ANKS1B: variants seen among roughly 807,000 people sequenced by gnomAD.
ANKS1B encodes the protein ankyrin repeat and sterile alpha motif domain-containing protein 1B.
A neutral mutation model predicts 148.3 loss-of-function variants in ANKS1B; 36 were observed. The ratio of observed to expected loss-of-function variants is 0.24; its 90% CI spans 0.19 to 0.32. The LOEUF is 0.32. Among genes scored for constraint, ANKS1B ranks in the 10% least tolerant of loss-of-function variants. The pLI, the probability that ANKS1B is intolerant of heterozygous loss-of-function variation, is 1.00. For missense variants in ANKS1B, 1,157 were observed against 1,542.6 expected (o/e 0.75, Z 4.19); for synonymous variants, 542 against 560.8 (o/e 0.97, Z 0.47).
chr12:99,497,446 T>C (rs2096614976), intron 10 of ANKS1B, among the ~76,000 whole-genome samples: 1 of 152,130 alleles, frequency 6.6e-6, no homozygotes, highest in East Asian at 1.9e-4. Flanking sequence ...CTTTCAAGGA[T>C]AGAAGTCCAA....
At chr12:98,945,470 G>A (rs2099843647) in intron 17 of ANKS1B, among the ~76,000 whole-genome samples, 1 of 137,622 alleles carries the variant, frequency 7.3e-6, no homozygotes, top group Non-Finnish European at 1.5e-5. Context: ...ACACCAGCCT[G>A]GGCAGCAGAG....
chr12:99,782,130 C>A, intron 4 of ANKS1B, 33 bp from the exon 5 acceptor site: 1 of 1,530,810 alleles, frequency 6.5e-7, no homozygotes. Context: ...AAAGAAAGCA[C>A]GGTTGCATTT....
At chr12:99,416,255 A>G (rs1279993554) in intron 11 of ANKS1B, among the ~76,000 whole-genome samples, 3 of 152,178 alleles carry the variant, frequency 2.0e-5, no homozygotes, top group East Asian at 3.9e-4. Context: ...CATTCACCCA[A>G]TGAAGGACAT....
intron 17 of ANKS1B, among the ~76,000 whole-genome samples, chr12:98,971,330 AC>A (rs1442237176): frequency 1.3e-5 from 2 of 152,264 alleles, no homozygotes; most frequent in Non-Finnish European, 2.9e-5. Flanking sequence ...TAAAGCAACA[AC>A]AAAAAATGTC....
At chr12:99,163,123 T>C (rs2076848128) in intron 14 of ANKS1B, among the ~76,000 whole-genome samples, 1 of 152,190 alleles carries the variant, frequency 6.6e-6, no homozygotes, top group African/African-American at 2.4e-5. Context: ...TTGTAAAAAG[T>C]TAAAATAGTT....
chr12:99,809,081 T>C (rs763915722), intron 3 of ANKS1B, among the ~76,000 whole-genome samples: 2 of 152,162 alleles, frequency 1.3e-5, no homozygotes, highest in Non-Finnish European at 2.9e-5. Context: ...TAAAATAATC[T>C]AATTTGAAAT....
intron 9 of ANKS1B, among the ~76,000 whole-genome samples, chr12:99,597,723 A>C (rs2153275712): frequency 6.6e-6 from 1 of 152,222 alleles, no homozygotes. Context: ...AATGGTTTCT[A>C]TAATAAAAAT....
At chr12:99,900,523 A>C (rs1188166507) in intron 1 of ANKS1B, among the ~76,000 whole-genome samples, 9 of 148,364 alleles carry the variant, frequency 6.1e-5, no homozygotes, top group Non-Finnish European at 8.9e-5. Context: ...AAAAAAAAAA[A>C]AAAAACTATG....
chr12:99,733,041 C>T (rs949570373), intron 8 of ANKS1B, among the ~76,000 whole-genome samples: 2 of 151,268 alleles, frequency 1.3e-5, no homozygotes, highest in East Asian at 1.9e-4. Flanking sequence ...AGAGCAAGAG[C>T]TTGTTGAGAT....
Position 98,812,133 on chromosome 12 carries a change from T to C in ANKS1B, c.3067-4215A>G, listed in dbSNP as rs569817148. On this transcript the variant is annotated intron_variant, in intron 19 of 26. Transcript: ENST00000683438. ...ACCTCTATAATTTCTAATACCGTCATGCACAACATAACGATGTTTCAGTCA... is the reference window on the plus strand; with the variant it reads ...ACCTCTATAATTTCTAATACCGTCACGCACAACATAACGATGTTTCAGTCA... Among the ~76,000 whole-genome samples, 54 of 152,328 alleles carry C rather than the reference T, an allele frequency of 3.5e-4. 1 individual carries two copies. The highest frequency in any genetic ancestry group is 1.2e-3 in the African/African-American group (51 of 41,574).
intron 9 of ANKS1B, among the ~76,000 whole-genome samples, chr12:99,630,810 C>T (rs1268274717): frequency 6.6e-6 from 1 of 152,190 alleles, no homozygotes. Flanking sequence ...AGCAAGAAGG[C>T]TCTCACCAGC....
chr12:98,760,696 G>GT (rs1592937352), intron 25 of ANKS1B, among the ~76,000 whole-genome samples: 2 of 152,284 alleles, frequency 1.3e-5, no homozygotes, highest in East Asian at 3.9e-4. Flanking sequence ...CATCTTCTCA[G>GT]TGAGACTTTG....
chr12:98,805,425 T>C (rs533194651), intron 20 of ANKS1B, among the ~76,000 whole-genome samples: 19 of 152,302 alleles, frequency 1.2e-4, no homozygotes, highest in African/African-American at 4.3e-4. Flanking sequence ...AAAAATACTT[T>C]GACATTAGAA....
intron 17 of ANKS1B, among the ~76,000 whole-genome samples, chr12:98,848,743 G>GTTTTTTTTTTTTT (rs10695483): frequency 0.012 from 559 of 48,072 alleles, 207 homozygotes; most frequent in East Asian, 0.017. Flanking sequence ...TGTATGTGTG[G>GTTTTTTTTTTTTT]TTTTTTTTTT....
In ANKS1B at chr12:98,979,434, A is replaced by AT. The variant is rs1359412425; in HGVS notation, c.2778+73722dup. On this transcript the variant is annotated intron_variant, in intron 17 of 26. Coordinates refer to ENST00000683438, the MANE Select transcript of ANKS1B (RefSeq NM_001352186.2). ...AGGTGCATGCCACCATGCCCAGCTAATTTTTTTTTTGTATTTTTAGTAGAG... is the reference window on the plus strand; with the variant it reads ...AGGTGCATGCCACCATGCCCAGCTAATTTTTTTTTTTGTATTTTTAGTAGAG... Among the ~76,000 whole-genome samples, 193 of 147,654 alleles carry AT rather than the reference A, an allele frequency of 1.3e-3. No individual in the cohort carries two copies. In the East Asian group the frequency reaches 0.015, roughly 12 times the overall value.
chr12:99,300,843 A>G (rs1201267348), intron 12 of ANKS1B, among the ~76,000 whole-genome samples: 1 of 152,184 alleles, frequency 6.6e-6, no homozygotes, highest in Non-Finnish European at 1.5e-5. Flanking sequence ...CTAGAAAAAA[A>G]TTTAAAAGTG....
intron 14 of ANKS1B, among the ~76,000 whole-genome samples, chr12:99,221,117 A>G (rs1466663365): frequency 6.6e-6 from 1 of 152,156 alleles, no homozygotes; most frequent in Non-Finnish European, 1.5e-5. Flanking sequence ...AGGTGGGCAG[A>G]TCACGAGGTC....
At chr12:98,933,302 G>A (rs1426503387) in intron 17 of ANKS1B, among the ~76,000 whole-genome samples, 1 of 152,134 alleles carries the variant, frequency 6.6e-6, no homozygotes, top group East Asian at 1.9e-4. Context: ...CATCTGTGTT[G>A]TCACATATTG....
At chr12:98,840,764 CACAAA>C (rs1466542224) in intron 17 of ANKS1B, among the ~76,000 whole-genome samples, 2 of 152,148 alleles carry the variant, frequency 1.3e-5, no homozygotes, top group African/African-American at 2.4e-5. Context: ...TAAAAACACA[CACAAA>C]ACAAAACAAT....
Sources: allele counts gnomAD v4.1 joint callset (sites outside exome capture counted in the v4.1 genomes callset), GRCh38; gene constraint gnomAD v4.1.1; transcripts MANE v1.5; gene names NCBI Gene and HGNC (gene_info 2026-07-23, HGNC 2026-07-21).